NONO: variants seen among roughly 807,000 people sequenced by gnomAD.
NONO encodes non-POU domain containing octamer binding, also known as non-POU domain-containing octamer-binding protein.
NONO carries 6 observed loss-of-function variants against 40.2 expected under a neutral mutation model. The observed-to-expected ratio is 0.15, with a 90% CI of 0.08 to 0.29. The LOEUF is 0.29. NONO is among the 10% of genes least tolerant of loss of function. The pLI, the probability that NONO is intolerant of heterozygous loss-of-function variation, is 1.00. For missense variants in NONO, 133 were observed against 397.8 expected (o/e 0.33, Z 5.66); for synonymous variants, 89 against 123.3 (o/e 0.72, Z 1.85).
intron 10 of NONO, 22 bp from the exon 11 acceptor site, chrX:71,298,685 T>C (rs2031507102): frequency 3.4e-6 from 4 of 1,167,774 alleles, no homozygotes; most frequent in Non-Finnish European, 4.7e-6. Context: ...TCCCTTGTGC[T>C]GATCACACTA....
At chrX:71,297,973 A>T in intron 9 of NONO, 35 bp downstream of exon 9, 1 of 944,116 alleles carries the variant, frequency 1.1e-6, no homozygotes, top group East Asian at 3.1e-5. Context: ...GTACCAGACC[A>T]GTCCTGATAA....
intron 11 of NONO, among the ~76,000 whole-genome samples, chrX:71,299,198 T>TA (rs1230089609): frequency 2.7e-5 from 3 of 112,246 alleles, no homozygotes; most frequent in African/African-American, 9.7e-5. Flanking sequence ...GTATTTTTAT[T>TA]AGAGACTGAG....
rs1326344913 is a variant in NONO at position 71,298,765 on chromosome X, C to A, written c.1230C>A (p.Thr410=). The change falls in exon 11 of 12, where the codon ACC becomes ACA. Residue 410 remains threonine, a synonymous_variant. Transcript: ENST00000276079. ...AMPPAPVPAG[T]PAPPGPATMM... ...CCCCTGCTCCTGTGCCAGCTGGTAC[C>A]CCAGCTCCTCCAGGACCTGCCACTA... 8 of 1,208,170 alleles carry A rather than the reference C, an allele frequency of 6.6e-6. No homozygotes were observed. The highest frequency in any genetic ancestry group is 9.0e-6 in the Non-Finnish European group (8 of 893,379).
chrX:71,291,572 C>T (rs922476488), intron 3 of NONO, among the ~76,000 whole-genome samples: 1 of 111,611 alleles, frequency 9.0e-6, no homozygotes. Flanking sequence ...TCTGGCCCGT[C>T]GTAGAGCTGT....
intron 5 of NONO, among the ~76,000 whole-genome samples, chrX:71,295,564 G>A (rs943096628): frequency 3.6e-5 from 4 of 110,444 alleles, no homozygotes; most frequent in African/African-American, 1.3e-4. Context: ...AGGCTGAGGC[G>A]GGTGAATCAC....
rs1228958219 is a variant in NONO, at chrX:71,300,859, A to G, written c.*783A>G. The G allele has an allele frequency of 1.2e-5, 2 of 161,603 alleles. No homozygotes were observed. Among genetic ancestry groups the G allele is most frequent in the Non-Finnish European group, 2.4e-5 (2 of 83,510 alleles). 13.3% of individuals were successfully genotyped at this position (161,603 alleles called of 1,213,427 possible). Reference sequence around the variant, plus strand: ...GATTTTCATTTTAGTGTATCTTTAAAAAAAAATCTTGTGTTAACTTGCCTC... The same window carrying G: ...GATTTTCATTTTAGTGTATCTTTAAGAAAAAATCTTGTGTTAACTTGCCTC... On this transcript the variant is annotated 3_prime_UTR_variant, in exon 12 of 12. Coordinates refer to ENST00000276079, the MANE Select transcript of NONO (RefSeq NM_007363.5).
At chrX:71,287,603 C>A (rs1008297023) in intron 2 of NONO, among the ~76,000 whole-genome samples, 6 of 111,584 alleles carry the variant, frequency 5.4e-5, no homozygotes, top group Admixed American at 9.6e-5. Context: ...TGGTCTCGAA[C>A]TCCTGACCTC....
chrX:71,288,505 G>T, intron 2 of NONO, among the ~76,000 whole-genome samples: 1 of 111,493 alleles, frequency 9.0e-6, no homozygotes. Context: ...GATTCTCCTG[G>T]CTCAGCCTCC....
chrX:71,290,825 A>G (rs1161594548), intron 3 of NONO, 34 bp downstream of exon 3: 3 of 1,099,638 alleles, frequency 2.7e-6, no homozygotes, highest in African/African-American at 3.8e-5. Flanking sequence ...GTAGAAATGG[A>G]TTCCCTCTGG....
chrX:71,291,249 C>T (rs1233234267), intron 3 of NONO, among the ~76,000 whole-genome samples: 1 of 111,997 alleles, frequency 8.9e-6, no homozygotes, highest in East Asian at 2.8e-4. Context: ...AAGACTAGAA[C>T]CAATCCCAAC....
At chrX:71,290,171 C>T (rs932281254) in intron 2 of NONO, among the ~76,000 whole-genome samples, 6 of 110,505 alleles carry the variant, frequency 5.4e-5, no homozygotes, top group Non-Finnish European at 1.1e-4. Context: ...CTCAGCCTCC[C>T]GAGTACCTAG....
At position 71,294,673 on chromosome X, in the gene NONO, T is replaced by A; in HGVS notation, c.650+145T>A. 4 of 562,538 alleles carry A rather than the reference T, an allele frequency of 7.1e-6. No individual in the cohort carries two copies. The South Asian group carries it at 1.3e-4, about 18-fold the overall frequency. 46.4% of individuals were successfully genotyped at this position (562,538 alleles called of 1,213,427 possible). On this transcript the variant is annotated intron_variant, in intron 5 of 11. Coordinates refer to ENST00000276079, the MANE Select transcript of NONO (RefSeq NM_007363.5). The stretch of plus-strand genomic sequence containing the variant: ...TGGCTGACTCCTGTAATCCCAGCAC[T>A]TTGGGAGGCCGGGGCAGGCGGATCA...
At chrX:71,291,487 C>G (rs2031325896) in intron 3 of NONO, among the ~76,000 whole-genome samples, 1 of 109,758 alleles carries the variant, frequency 9.1e-6, no homozygotes, top group Non-Finnish European at 1.9e-5. Flanking sequence ...AGGGCTGCTT[C>G]CTTGAATTGC....
chrX:71,298,017 A>G lies in NONO; in HGVS notation c.1131+79A>G, dbSNP rs2031490889. 3 of 644,493 alleles carry G rather than the reference A, an allele frequency of 4.7e-6. No individual in the cohort carries two copies. The Admixed American group carries it at 9.2e-5, about 20-fold the overall frequency. The allele number at this position is 644,493 out of a possible 1,213,427, so 53.1% of individuals were successfully genotyped here. On this transcript the variant is annotated intron_variant, in intron 9 of 11. Transcript: ENST00000276079. The stretch of plus-strand genomic sequence containing the variant: ...TGAATTGTCTGCTAGGTTACCGGTT[A>G]TGACCAATTTTCCCGTGTTGTGAAA...
At chrX:71,293,981 T>C in intron 4 of NONO, 2 of 384,565 alleles carry the variant, frequency 5.2e-6, no homozygotes, top group Non-Finnish European at 9.0e-6. Flanking sequence ...ATAATACCTA[T>C]GAAATTGATG....
chrX:71,298,379 C>CT (rs1275241504), intron 9 of NONO, 90 bp from the exon 10 acceptor site: 9 of 778,861 alleles, frequency 1.2e-5, no homozygotes, highest in Admixed American at 4.4e-5. Flanking sequence ...TGTTATCACT[C>CT]TATCTACTTC....
At chrX:71,293,058 G>T (rs984751437) in intron 4 of NONO, 1 of 112,840 alleles carries the variant, frequency 8.9e-6, no homozygotes, top group African/African-American at 3.2e-5. Context: ...TTTAGGGAAA[G>T]TATATGAGAG....
In NONO at chrX:71,298,506, G is replaced by A; in HGVS notation, c.1169G>A (p.Gly390Glu). ...QEIRMGQMAM[G>E]GAMGINNRGA... is the part of the protein sequence containing the mutation. The stretch of plus-strand genomic sequence containing the variant: ...ATTCGGATGGGTCAGATGGCTATGG[G>A]AGGTAAGGACTTAGGAGGTTAATGG... The change falls in exon 10 of 12, where the codon GGA becomes GAA. Residue 390 changes from glycine to glutamate, a missense_variant and splice_region_variant. Gly to Glu is a moderately conservative substitution (Grantham distance 98, BLOSUM62 -2). This residue lies in a region of NONO where 73 missense variants were observed against 162.2 expected (regional missense o/e 0.45). Coordinates refer to ENST00000276079, the MANE Select transcript of NONO (RefSeq NM_007363.5). 1 of 1,208,755 alleles carries A rather than the reference G, an allele frequency of 8.3e-7. No homozygotes were observed. The highest frequency in any genetic ancestry group is 1.1e-6 in the Non-Finnish European group (1 of 892,630).
rs1466588543 is a variant in NONO at position 71,300,294 on chromosome X, T to C, written c.*218T>C. 9 of 418,082 alleles carry C rather than the reference T, an allele frequency of 2.2e-5. No homozygotes were observed. The highest frequency in any genetic ancestry group is 3.7e-5 in the Non-Finnish European group (9 of 241,689). The allele number at this position is 418,082 out of a possible 1,213,427, so 34.5% of individuals were successfully genotyped here. A position where few individuals can be genotyped will look rare whatever the true frequency, so the allele number is the denominator to read the frequency against. On this transcript the variant is annotated 3_prime_UTR_variant, in exon 12 of 12. Coordinates refer to ENST00000276079, the MANE Select transcript of NONO (RefSeq NM_007363.5). ...ATATTGTTTAATCAGTTCTGTGTGG[T>C]GCATTCCTGAAGTCTCTAATGTGAC...
Sources: gnomAD v4.1 joint callset for allele counts (sites outside exome capture counted in the v4.1 genomes callset) on GRCh38, gnomAD v4.1.1 for gene constraint, gnomAD v4.1.1 regional missense constraint, MANE v1.5 for transcripts, NCBI Gene and HGNC (gene_info 2026-07-23, HGNC 2026-07-21) for gene names.